The following UNC13A variants were observed in gnomAD, a reference collection of about 807,000 sequenced individuals.
The protein encoded by UNC13A is unc-13 homolog A, also known as protein unc-13 homolog A.
In UNC13A, 61 loss-of-function variants were observed where a neutral mutation model predicts 219.7. The ratio of observed to expected loss-of-function variants is 0.28; its 90% CI spans 0.23 to 0.34. UNC13A has a LOEUF of 0.34. UNC13A is among the 10% of genes least tolerant of loss of function. The probability of loss-of-function intolerance (pLI) is 1.00; values close to 1 mark genes in which losing one functional copy is unlikely to be tolerated. For synonymous variants in UNC13A, 920 were observed against 884.6 expected (o/e 1.04, Z -0.71); for missense variants, 1,476 against 2,270.3 (o/e 0.65, Z 7.11).
chr19:17,673,867 C>T (rs185175419), intron 3 of UNC13A, among the ~76,000 whole-genome samples: 130 of 152,062 alleles, frequency 8.5e-4, no homozygotes, highest in Admixed American at 2.2e-3. Flanking sequence ...AAAAATTAGC[C>T]GGGTGTGGTG....
rs781778071 is a variant in UNC13A, at chr19:17,636,143, T to G, written c.3096A>C (p.Glu1032Asp). ...TGGGCCCCTGTTCCTCTGGGAGAAC[T>G]TCCCCCTTCTTGGCCTGAAATGGAC... is the stretch of plus-strand genomic sequence containing the variant. ...EYQTDPAKKG[E>D]VLPEEQGPSI... Residue 1032 changes from glutamate (E) to aspartate (D), a missense_variant, in exon 26 of 44, where the codon GAA becomes GAC. Glu to Asp is a conservative substitution (Grantham distance 45). Transcript: ENST00000519716. 6.3e-7 allele frequency: 1 copy of G among 1,598,102 alleles called. No individual in the cohort carries two copies. Among genetic ancestry groups the G allele is most frequent in the Non-Finnish European group, 8.5e-7 (1 of 1,171,742 alleles).
chr19:17,606,853 A>G (rs902411275), intron 43 of UNC13A, among the ~76,000 whole-genome samples: 3 of 143,568 alleles, frequency 2.1e-5, no homozygotes, highest in African/African-American at 2.6e-5. Context: ...TCCAGACATG[A>G]GCCTGCCCTG....
Position 17,640,647 on chromosome 19 carries a change from AG to A in UNC13A, c.2650del (p.Leu884SerfsTer14). 1 of 1,589,138 alleles carries A rather than the reference AG, an allele frequency of 6.3e-7. No homozygotes were observed. The highest frequency in any genetic ancestry group is 1.2e-5 in the South Asian group (1 of 86,510). ...IYQAMTHFAC[L>X]SSKYMCPGVP... ...CCCTGGGCACATATACTTGGAGGAG[AG>A]GCAGGCAAAGTGGCTGGAGAGAGGG... On this transcript the variant is annotated frameshift_variant, in exon 22 of 44. Coordinates refer to ENST00000519716, the MANE Select transcript of UNC13A (RefSeq NM_001080421.3). LOFTEE classifies it high-confidence loss of function.
intron 26 of UNC13A, among the ~76,000 whole-genome samples, chr19:17,634,300 C>G (rs536070093): frequency 6.6e-6 from 1 of 152,102 alleles, no homozygotes; most frequent in African/African-American, 2.4e-5. Flanking sequence ...AGCTATCCAC[C>G]CATCCATTTA....
intron 38 of UNC13A, among the ~76,000 whole-genome samples, chr19:17,620,421 G>A (rs1347913759): frequency 6.6e-6 from 1 of 151,968 alleles, no homozygotes; most frequent in Non-Finnish European, 1.5e-5. Flanking sequence ...GTTACTCAGG[G>A]GTCCAGCGGA....
At chr19:17,623,627 G>T in intron 35 of UNC13A, 80 bp from the exon 36 acceptor site, 1 of 689,970 alleles carries the variant, frequency 1.4e-6, no homozygotes, top group Non-Finnish European at 2.2e-6. Flanking sequence ...CCAGGGAGGG[G>T]GCAGAGATGG....
chr19:17,636,214 C>A, intron 25 of UNC13A, 57 bp from the exon 26 acceptor site: 1 of 1,508,162 alleles, frequency 6.6e-7, no homozygotes, highest in South Asian at 1.2e-5. Context: ...GTGCCTCGGT[C>A]AGTTTATTAC....
At position 17,606,058 on chromosome 19, in the gene UNC13A, G is replaced by C; in HGVS notation, c.5108C>G (p.Pro1703Arg). The stretch of plus-strand genomic sequence containing the variant: ...CCGCTCGGCCGACCGCCCGCGCTAA[G>C]GCGCAGGCGCGGCACCGCCCTCCTC... ...SAEEGGAAPA[P>R] Residue 1703 changes from proline to arginine, a missense_variant, in exon 44 of 44, where the codon CCT becomes CGT. By Grantham distance (103) the Pro-to-Arg change is moderately radical. Coordinates refer to ENST00000519716, the MANE Select transcript of UNC13A (RefSeq NM_001080421.3). 1.3e-6 allele frequency: 2 copies of C among 1,553,188 alleles called. No homozygotes were observed. Among genetic ancestry groups the C allele is most frequent in the South Asian group, 2.4e-5 (2 of 84,206 alleles).
chr19:17,610,341 C>T (rs1359220459), intron 42 of UNC13A, among the ~76,000 whole-genome samples: 1 of 152,140 alleles, frequency 6.6e-6, no homozygotes, highest in East Asian at 1.9e-4. Context: ...TGGCACGCGC[C>T]TGTAGTCCCA....
intron 43 of UNC13A, among the ~76,000 whole-genome samples, chr19:17,608,959 CTTT>C (rs35529137): frequency 1.5e-5 from 2 of 134,408 alleles, no homozygotes; most frequent in Non-Finnish European, 3.2e-5. Flanking sequence ...CCAGAGCAGA[CTTT>C]TTTTTTTTTT....
intron 19 of UNC13A, among the ~76,000 whole-genome samples, chr19:17,644,385 T>C (rs2077002043): frequency 6.6e-6 from 1 of 151,188 alleles, no homozygotes; most frequent in African/African-American, 2.4e-5. Flanking sequence ...ACAAAGGCCT[T>C]GTTATGTTGC....
chr19:17,668,757 G>A (rs188164852), intron 5 of UNC13A, among the ~76,000 whole-genome samples: 1 of 152,178 alleles, frequency 6.6e-6, no homozygotes, highest in Admixed American at 6.5e-5. Context: ...TCAAAGTGCT[G>A]GGATTATAGG....
chr19:17,688,341 T>G lies in UNC13A; in HGVS notation c.-142A>C. On this transcript the variant is annotated 5_prime_UTR_variant, in exon 1 of 44. Transcript: ENST00000519716. ...CCCGGCCGCCACCGGCCATCTTGGT[T>G]CAGCACCGGGGGCGCGGACAGCGCC... 7.7e-7 allele frequency: 1 copy of G among 1,290,962 alleles called. No homozygotes were observed. Among genetic ancestry groups the G allele is most frequent in the Non-Finnish European group, 9.8e-7 (1 of 1,017,130 alleles). The allele number at this position is 1,290,962 out of a possible 1,614,324, so 80.0% of individuals were successfully genotyped here. A position where few individuals can be genotyped will look rare whatever the true frequency, so the allele number is the denominator to read the frequency against.
In UNC13A at chr19:17,662,861, G is replaced by A. The variant is rs148175153; in HGVS notation, c.559+671C>T. ...CGTGAACCCTGGAGGCAGAGCTTGCGGTGAGCTGAGATCGTGCCACTGCCC... is the reference window on the plus strand; with the variant it reads ...CGTGAACCCTGGAGGCAGAGCTTGCAGTGAGCTGAGATCGTGCCACTGCCC... On this transcript the variant is annotated intron_variant, in intron 8 of 43. Transcript: ENST00000519716. Among the ~76,000 whole-genome samples, 888 of 151,670 alleles carry A rather than the reference G, an allele frequency of 5.9e-3. 5 individuals carry two copies. Among genetic ancestry groups the A allele is most frequent in the African/African-American group, 0.02 (844 of 41,332 alleles).
In UNC13A at chr19:17,604,492, C is replaced by G; in HGVS notation, c.*1562G>C. On this transcript the variant is annotated 3_prime_UTR_variant, in exon 44 of 44. Coordinates refer to ENST00000519716, the MANE Select transcript of UNC13A (RefSeq NM_001080421.3). The stretch of plus-strand genomic sequence containing the variant: ...TCTTTTCTCTCTAGTAAGTGGTTCC[C>G]TCTCATTCTTCACCTCGGAAAGCCT... 6.6e-6 allele frequency: 1 copy of G among 152,254 alleles called. No homozygotes were observed. The highest frequency in any genetic ancestry group is 1.9e-4 in the East Asian group (1 of 5,198). The allele number at this position is 152,254 out of a possible 1,614,324, so 9.4% of individuals were successfully genotyped here.
chr19:17,639,784 C>T (rs979495104), intron 23 of UNC13A, 56 bp downstream of exon 23: 1 of 1,598,108 alleles, frequency 6.3e-7, no homozygotes, highest in Non-Finnish European at 8.6e-7. Flanking sequence ...TAGCTTTCCC[C>T]TCCAGGCACA....
At chr19:17,655,768 G>A (rs1599384758) in intron 10 of UNC13A, 115 bp downstream of exon 10, 1 of 1,424,232 alleles carries the variant, frequency 7.0e-7, no homozygotes, top group Non-Finnish European at 9.1e-7. Context: ...AAACCCAAGA[G>A]CCTGTGACAA....
chr19:17,629,455 T>C (rs1362578858), intron 30 of UNC13A, 132 bp from the exon 31 acceptor site: 2 of 713,422 alleles, frequency 2.8e-6, no homozygotes, highest in South Asian at 1.9e-5. Flanking sequence ...GCCTTTGGGC[T>C]AGGCAAATTC....
At chr19:17,677,357 C>CT (rs993666999) in intron 1 of UNC13A, among the ~76,000 whole-genome samples, 815 of 66,984 alleles carry the variant, frequency 0.012, 4 homozygotes, top group African/African-American at 0.064. Flanking sequence ...TCTTTCTTTT[C>CT]TTTTTTTTTT....
Sources: allele counts gnomAD v4.1 joint callset (sites outside exome capture counted in the v4.1 genomes callset), GRCh38; gene constraint gnomAD v4.1.1; transcripts MANE v1.5; gene names NCBI Gene and HGNC (gene_info 2026-07-23, HGNC 2026-07-21).